CEP120: variants seen among roughly 807,000 people sequenced by gnomAD.
The protein encoded by CEP120 is centrosomal protein of 120 kDa.
In CEP120, 113 loss-of-function variants were observed where a neutral mutation model predicts 126.5. The observed-to-expected ratio is 0.89, with a 90% CI of 0.77 to 1.04. The LOEUF is 1.04. Ranked by LOEUF, CEP120 falls within the 50% of genes least tolerant of loss-of-function variation. CEP120 has a pLI of 0.00. For synonymous variants in CEP120, 400 were observed against 394.3 expected (o/e 1.01, Z -0.17); for missense variants, 1,230 against 1,155.7 (o/e 1.06, Z -0.93).
intron 18 of CEP120, among the ~76,000 whole-genome samples, chr5:123,356,438 C>A (rs1331724072): frequency 6.6e-6 from 1 of 152,068 alleles, no homozygotes; most frequent in Non-Finnish European, 1.5e-5. Context: ...AGGTGTACCT[C>A]TTACAAAGCA....
intron 16 of CEP120, among the ~76,000 whole-genome samples, chr5:123,375,790 T>TATC (rs1771171643): frequency 6.6e-6 from 1 of 152,140 alleles, no homozygotes; most frequent in Admixed American, 6.6e-5. Flanking sequence ...TTTACAACTT[T>TATC]ATCTTTTGTA....
intron 17 of CEP120, among the ~76,000 whole-genome samples, chr5:123,367,924 ATTTT>A (rs1770580325): frequency 6.6e-6 from 1 of 151,902 alleles, no homozygotes; most frequent in African/African-American, 2.4e-5. Context: ...CTTTGTCACT[ATTTT>A]AAGAAATAAG....
In CEP120 at chr5:123,395,924, C is replaced by T. The variant is rs191115871; in HGVS notation, c.613-2427G>A. On this transcript the variant is annotated intron_variant, in intron 5 of 19. Coordinates refer to ENST00000306467, the MANE Select transcript of CEP120 (RefSeq NM_001375405.1). ...GTCTCGATCTCCTGACCTCGTGATC[C>T]GCCCTCCTCAGCCTCCCAAAGTGCT... Among the ~76,000 whole-genome samples the T allele has an allele frequency of 4.7e-3, 715 of 151,612 alleles. 5 individuals carry two copies. Among genetic ancestry groups the T allele is most frequent in the African/African-American group, 0.014 (584 of 41,310 alleles).
chr5:123,398,710 C>T (rs1772969803), intron 5 of CEP120, among the ~76,000 whole-genome samples: 1 of 152,186 alleles, frequency 6.6e-6, no homozygotes, highest in Admixed American at 6.5e-5. Flanking sequence ...ATGACAGTAA[C>T]AGCTTAATTT....
intron 4 of CEP120, chr5:123,403,577 T>C: frequency 3.1e-6 from 1 of 322,810 alleles, no homozygotes; most frequent in Non-Finnish European, 6.0e-6. Flanking sequence ...CACAAAAGAG[T>C]TATTAATTAC....
chr5:123,390,244 G>T (rs1354897315), intron 7 of CEP120, 104 bp from the exon 8 acceptor site: 5 of 867,596 alleles, frequency 5.8e-6, no homozygotes, highest in Middle Eastern at 2.2e-4. Flanking sequence ...TCCTTTCCCA[G>T]TTTGGATATT....
intron 1 of CEP120, chr5:123,422,646 C>T: frequency 9.5e-7 from 1 of 1,049,524 alleles, no homozygotes; most frequent in Non-Finnish European, 1.4e-6. Flanking sequence ...TTCTCAGGAC[C>T]ACGTTCAGCT....
chr5:123,409,435 G>A (rs1230300924), intron 4 of CEP120, among the ~76,000 whole-genome samples: 2 of 152,064 alleles, frequency 1.3e-5, no homozygotes, highest in African/African-American at 4.8e-5. Flanking sequence ...AAAAGAAAAG[G>A]AAATAAAAAG....
In CEP120 at chr5:123,401,928, A is replaced by G. The variant is rs1298654858; in HGVS notation, c.464-2644T>C. The G allele has an allele frequency of 7.1e-6, 11 of 1,550,546 alleles. No individual in the cohort carries two copies. The East Asian group carries it at 2.2e-4, about 32-fold the overall frequency. Reference sequence around the variant, plus strand: ...AAGGTTGTTGATGTAGCTCTTGAACATGTTGTCCATGTTGCTCCCGGCCGT... The same window carrying G: ...AAGGTTGTTGATGTAGCTCTTGAACGTGTTGTCCATGTTGCTCCCGGCCGT... On this transcript the variant is annotated intron_variant, in intron 4 of 19. Transcript: ENST00000306467.
intron 19 of CEP120, among the ~76,000 whole-genome samples, chr5:123,348,789 G>A (rs1769003200): frequency 6.6e-6 from 1 of 152,092 alleles, no homozygotes; most frequent in Non-Finnish European, 1.5e-5. Flanking sequence ...GTTTAGATGA[G>A]GTCATGAGGG....
At chr5:123,377,209 G>C (rs192324160) in intron 16 of CEP120, among the ~76,000 whole-genome samples, 165 bp downstream of exon 16, 1 of 152,108 alleles carries the variant, frequency 6.6e-6, no homozygotes, top group East Asian at 1.9e-4. Flanking sequence ...AAAATAGTTA[G>C]AAAAAGATCC....
intron 11 of CEP120, 58 bp downstream of exon 11, chr5:123,384,893 C>T: frequency 6.9e-7 from 1 of 1,449,814 alleles, no homozygotes; most frequent in African/African-American, 1.4e-5. Context: ...GCTGACTAAT[C>T]AAAATCATTC....
In CEP120 at chr5:123,391,250, G is replaced by C. The variant is rs1303271560; in HGVS notation, c.898C>G (p.Gln300Glu). The part of the protein sequence containing the change: ...LLKKGSTEIN[Q>E]HPVTVEGAFT... Reference sequence around the variant, plus strand: ...GCACCTTCGACTGTGACTGGGTGCTGGTTGATTTCTGTACTGCCCTTTTTA... The same window carrying C: ...GCACCTTCGACTGTGACTGGGTGCTCGTTGATTTCTGTACTGCCCTTTTTA... Residue 300 changes from glutamine to glutamate, a missense_variant, in exon 7 of 20, where the codon CAG becomes GAG. Gln to Glu is a conservative substitution (Grantham distance 29, BLOSUM62 2). Coordinates refer to ENST00000306467, the MANE Select transcript of CEP120 (RefSeq NM_001375405.1). 6.2e-7 allele frequency: 1 copy of C among 1,614,006 alleles called. No individual in the cohort carries two copies. The highest frequency in any genetic ancestry group is 2.2e-5 in the East Asian group (1 of 44,890).
Position 123,382,100 on chromosome 5 carries a change from C to T in CEP120, c.2103+11G>A, listed in dbSNP as rs1771687670. ...CTTCCTTCTCTTCCTCACTTTTACA[C>T]AAGTTATTACCTTTTTCTTTACTAG... On this transcript the variant is annotated intron_variant, in intron 14 of 19. Transcript: ENST00000306467. 4 of 1,548,104 alleles carry T rather than the reference C, an allele frequency of 2.6e-6. No individual in the cohort carries two copies. The South Asian group carries it at 3.4e-5, about 13-fold the overall frequency.
At chr5:123,391,947 T>A (rs563088319) in intron 6 of CEP120, among the ~76,000 whole-genome samples, 1 of 152,140 alleles carries the variant, frequency 6.6e-6, no homozygotes, top group Non-Finnish European at 1.5e-5. Flanking sequence ...TTCAATATTA[T>A]CACCTTTTGA....
intron 5 of CEP120, among the ~76,000 whole-genome samples, chr5:123,396,504 G>T (rs1406805470): frequency 6.6e-6 from 1 of 151,836 alleles, no homozygotes; most frequent in African/African-American, 2.4e-5. Context: ...TATTATATTG[G>T]TTTTTAAAAG....
chr5:123,401,165 C>T, intron 4 of CEP120: 2 of 1,611,216 alleles, frequency 1.2e-6, no homozygotes, highest in Non-Finnish European at 8.5e-7. Flanking sequence ...CCTCCAGCAG[C>T]TTCTTGTAGG....
At chr5:123,358,078 T>C (rs925040780) in intron 18 of CEP120, among the ~76,000 whole-genome samples, 8 of 152,140 alleles carry the variant, frequency 5.3e-5, no homozygotes, top group African/African-American at 1.9e-4. Context: ...AGTGTTCTCT[T>C]ATCCTGGATA....
chr5:123,401,697 C>A (rs1246174024), intron 4 of CEP120: 9 of 1,395,200 alleles, frequency 6.5e-6, no homozygotes, highest in Admixed American at 3.4e-5. Flanking sequence ...TCAGTCAGCC[C>A]TTCCAGGCGA....
Sources: gnomAD v4.1 joint callset for allele counts (sites outside exome capture counted in the v4.1 genomes callset) on GRCh38, gnomAD v4.1.1 for gene constraint, MANE v1.5 for transcripts, NCBI Gene and HGNC (gene_info 2026-07-23, HGNC 2026-07-21) for gene names.